PLEKHF2: variants seen among roughly 807,000 people sequenced by gnomAD.
PLEKHF2 encodes pleckstrin homology domain-containing family F member 2.
A neutral mutation model predicts 14.7 loss-of-function variants in PLEKHF2; 4 were observed. The ratio of observed to expected loss-of-function variants is 0.27; its 90% CI spans 0.13 to 0.62. The LOEUF is 0.62. Among genes scored for constraint, PLEKHF2 ranks in the 20% least tolerant of loss-of-function variants. PLEKHF2 has a pLI of 0.85. For synonymous variants in PLEKHF2, 90 were observed against 103.5 expected, an observed-to-expected ratio of 0.87 and a Z score of 0.79; for missense variants, 201 against 307.7, an observed-to-expected ratio of 0.65 and a Z score of 2.60.
chr8:95,151,110 C>T (rs1810557443), intron 1 of PLEKHF2, among the ~76,000 whole-genome samples: 1 of 152,136 alleles, frequency 6.6e-6, no homozygotes, highest in Non-Finnish European at 1.5e-5. Flanking sequence ...ATTTCTTCAT[C>T]AGCTCACAGT....
At position 95,155,184 on chromosome 8, in the gene PLEKHF2, T is replaced by C. The variant is rs1000837769; in HGVS notation, c.*390T>C. 5.2e-6 allele frequency: 1 copy of C among 191,602 alleles called. No homozygotes were observed. The highest frequency in any genetic ancestry group is 5.4e-5 in the Admixed American group (1 of 18,562). The allele number at this position is 191,602 out of a possible 1,614,324, so 11.9% of individuals were successfully genotyped here. ...CTATAATGTGGTTCATTAATAATGT[T>C]AGCAGCTTTTTTCTAACCATCCTGT... On this transcript the variant is annotated 3_prime_UTR_variant, in exon 2 of 2. Transcript: ENST00000315367.
intron 1 of PLEKHF2, among the ~76,000 whole-genome samples, chr8:95,140,294 C>A (rs891956633): frequency 1.3e-5 from 2 of 152,220 alleles, no homozygotes; most frequent in African/African-American, 4.8e-5. Flanking sequence ...CCTCAGTTAT[C>A]TGCCAATTAT....
intron 1 of PLEKHF2, among the ~76,000 whole-genome samples, chr8:95,141,918 C>T (rs1286471393): frequency 4.6e-5 from 7 of 152,070 alleles, no homozygotes; most frequent in East Asian, 1.9e-4. Flanking sequence ...TCTTAAATTC[C>T]GCTCATTCTT....
chr8:95,135,683 TATAAC>T (rs1485162660), intron 1 of PLEKHF2, among the ~76,000 whole-genome samples: 1 of 152,248 alleles, frequency 6.6e-6, no homozygotes, highest in African/African-American at 2.4e-5. Flanking sequence ...TAAATGGCAT[TATAAC>T]ATTTTTTATT....
chr8:95,140,613 T>C (rs1810429559), intron 1 of PLEKHF2, among the ~76,000 whole-genome samples: 1 of 152,192 alleles, frequency 6.6e-6, no homozygotes, highest in African/African-American at 2.4e-5. Context: ...ATTTCCTCTC[T>C]GGGGGAATAG....
chr8:95,149,428 C>T (rs1467031991), intron 1 of PLEKHF2, among the ~76,000 whole-genome samples: 3 of 152,190 alleles, frequency 2.0e-5, no homozygotes, highest in South Asian at 2.1e-4. Flanking sequence ...AGAAGAAAAG[C>T]GTAATACCCA....
intron 1 of PLEKHF2, among the ~76,000 whole-genome samples, chr8:95,148,168 G>A (rs1056368988): frequency 6.6e-6 from 1 of 151,372 alleles, no homozygotes; most frequent in Non-Finnish European, 1.5e-5. Flanking sequence ...TAAAAAATTT[G>A]TTATAAGTTT....
chr8:95,146,938 A>G (rs1214732413), intron 1 of PLEKHF2, among the ~76,000 whole-genome samples: 2 of 152,226 alleles, frequency 1.3e-5, no homozygotes, highest in East Asian at 1.9e-4. Flanking sequence ...AACATACTGT[A>G]AAAAAGAGCT....
intron 1 of PLEKHF2, among the ~76,000 whole-genome samples, chr8:95,142,066 G>A (rs766144451): frequency 1.5e-4 from 23 of 151,992 alleles, no homozygotes; most frequent in East Asian, 1.9e-4. Context: ...ACCTTGTGGC[G>A]TATATCTTAT....
At chr8:95,136,373 CAT>C (rs1184375080) in intron 1 of PLEKHF2, among the ~76,000 whole-genome samples, 2,989 of 145,200 alleles carry the variant, frequency 0.021, 46 homozygotes, top group Non-Finnish European at 0.029. Context: ...CACACACACA[CAT>C]GTTTTGTTGT....
At chr8:95,134,303 C>A in intron 1 of PLEKHF2, 1 of 149,004 alleles carries the variant, frequency 6.7e-6, no homozygotes, top group South Asian at 2.0e-4. Flanking sequence ...AGGACGCCGC[C>A]GCCGCCGCGG....
At chr8:95,147,994 A>G (rs79226605) in intron 1 of PLEKHF2, among the ~76,000 whole-genome samples, 1 of 151,972 alleles carries the variant, frequency 6.6e-6, no homozygotes, top group African/African-American at 2.4e-5. Flanking sequence ...TGAGTCTTCA[A>G]ATGATGATTT....
intron 1 of PLEKHF2, among the ~76,000 whole-genome samples, chr8:95,152,076 A>G (rs538859971): frequency 2.0e-5 from 3 of 152,238 alleles, no homozygotes; most frequent in South Asian, 2.1e-4. Context: ...CTTAAAATCT[A>G]TAGCACCTTA....
chr8:95,149,195 C>T (rs529193952), intron 1 of PLEKHF2, among the ~76,000 whole-genome samples: 1 of 152,104 alleles, frequency 6.6e-6, no homozygotes, highest in Non-Finnish European at 1.5e-5. Flanking sequence ...TCCTTCCTAT[C>T]TTAGGACCTT....
intron 1 of PLEKHF2, among the ~76,000 whole-genome samples, chr8:95,135,554 C>T (rs1293754965): frequency 6.6e-6 from 1 of 152,166 alleles, no homozygotes; most frequent in Non-Finnish European, 1.5e-5. Context: ...GAGCGCATCA[C>T]CACACCTGGC....
chr8:95,148,841 G>C (rs1810528918), intron 1 of PLEKHF2, among the ~76,000 whole-genome samples: 1 of 152,114 alleles, frequency 6.6e-6, no homozygotes, highest in Non-Finnish European at 1.5e-5. Context: ...ATAATTAAAT[G>C]TAGAGTTTGT....
Position 95,147,039 on chromosome 8 carries a change from A to G in PLEKHF2, c.-14-6992A>G, listed in dbSNP as rs890023753. The stretch of plus-strand genomic sequence containing the variant: ...TACAGAAGAAACATACAAAATTACT[A>G]TGCCATAAAAGATTTGAAGCCTTGG... On this transcript the variant is annotated intron_variant, in intron 1 of 1. Transcript: ENST00000315367. Among the ~76,000 whole-genome samples the G allele has an allele frequency of 2.6e-5, 4 of 152,230 alleles. No individual in the cohort carries two copies. The East Asian group carries it at 7.7e-4, about 29-fold the overall frequency.
In PLEKHF2 at chr8:95,155,522, CA is replaced by C; in HGVS notation, c.*731del. The C allele has an allele frequency of 6.0e-6, 1 of 166,966 alleles. No homozygotes were observed. The highest frequency in any genetic ancestry group is 3.4e-3 in the Middle Eastern group (1 of 296). 10.3% of individuals were successfully genotyped at this position (166,966 alleles called of 1,614,324 possible). A position where few individuals can be genotyped will look rare whatever the true frequency, so the allele number is the denominator to read the frequency against. ...TTATATTTTTGTTTTATATAGGTCC[CA>C]AATTATAATTGTCAAATATATATTT... On this transcript the variant is annotated 3_prime_UTR_variant, in exon 2 of 2. Transcript: ENST00000315367.
intron 1 of PLEKHF2, among the ~76,000 whole-genome samples, chr8:95,142,771 A>T (rs1810452532): frequency 6.6e-6 from 1 of 152,210 alleles, no homozygotes; most frequent in African/African-American, 2.4e-5. Flanking sequence ...GAAATTTTTT[A>T]AAAAACAGGA....
Sources: allele counts gnomAD v4.1 joint callset (sites outside exome capture counted in the v4.1 genomes callset), GRCh38; gene constraint gnomAD v4.1.1; transcripts MANE v1.5; gene names NCBI Gene and HGNC (gene_info 2026-07-23, HGNC 2026-07-21).